Variants in SF3A1 observed in about 807,000 individuals in gnomAD.
SF3A1 encodes the protein SAP 114.
In SF3A1, 13 loss-of-function variants were observed where a neutral mutation model predicts 89.9. The observed-to-expected ratio is 0.14, with a 90% confidence interval of 0.09 to 0.23. The LOEUF is 0.23. SF3A1 is among the 10% of genes least tolerant of loss of function. The pLI, the probability that SF3A1 is intolerant of heterozygous loss-of-function variation, is 1.00. For synonymous variants in SF3A1, 405 were observed against 374.4 expected (o/e 1.08, Z -0.94); for missense variants, 604 against 1,022.1 (o/e 0.59, Z 5.58).
intron 2 of SF3A1, 49 bp from the exon 3 acceptor site, chr22:30,346,568 C>A: frequency 6.2e-7 from 1 of 1,600,656 alleles, no homozygotes; most frequent in South Asian, 1.1e-5. Flanking sequence ...CTTGTGCCTG[C>A]TGTGATCTAG....
At chr22:30,354,756 C>G (rs1455742972) in intron 1 of SF3A1, among the ~76,000 whole-genome samples, 1 of 152,154 alleles carries the variant, frequency 6.6e-6, no homozygotes, top group Non-Finnish European at 1.5e-5. Context: ...CTTCCACACT[C>G]GATGATAATA....
intron 2 of SF3A1, among the ~76,000 whole-genome samples, chr22:30,349,122 C>T (rs1179937524): frequency 2.0e-5 from 3 of 152,138 alleles, no homozygotes; most frequent in South Asian, 4.1e-4. Context: ...CCTAACCTAG[C>T]GAAAAAACTT....
Position 30,356,883 on chromosome 22 carries a change from T to C in SF3A1, c.-91A>G, listed in dbSNP as rs888277105. ...TCCCCGCTCGGTCAGTACGACGAGC[T>C]CGCAAGATGGCGGCGGCCGAGCGAG... is the stretch of plus-strand genomic sequence containing the variant. On this transcript the variant is annotated 5_prime_UTR_variant, in exon 1 of 16. Transcript: ENST00000215793. 23 of 1,114,776 alleles carry C rather than the reference T, an allele frequency of 2.1e-5. No individual in the cohort carries two copies. The highest frequency in any genetic ancestry group is 2.6e-5 in the Non-Finnish European group (23 of 873,082). The allele number at this position is 1,114,776 out of a possible 1,614,324, so 69.1% of individuals were successfully genotyped here.
intron 6 of SF3A1, 59 bp downstream of exon 6, chr22:30,342,141 G>GAAGTGGTGCAGAC: frequency 6.3e-7 from 1 of 1,589,102 alleles, no homozygotes; most frequent in South Asian, 1.1e-5. Context: ...CCTGCACCAG[G>GAAGTGGTGCAGAC]TTTCCCGGGA....
chr22:30,342,688 T>C, intron 5 of SF3A1, 117 bp downstream of exon 5: 1 of 755,824 alleles, frequency 1.3e-6, no homozygotes, highest in East Asian at 2.5e-5. Context: ...AACAAAGCCT[T>C]TTCTCCCACC....
At chr22:30,346,291 A>G (rs1931417228) in intron 3 of SF3A1, 21 bp downstream of exon 3, 6 of 1,506,132 alleles carry the variant, frequency 4.0e-6, no homozygotes, top group Non-Finnish European at 3.7e-6. Flanking sequence ...GCGTAAGTGA[A>G]GGGGGCACTG....
chr22:30,356,887 A>G lies in SF3A1; in HGVS notation c.-95T>C. ...CGCTCGGTCAGTACGACGAGCTCGC[A>G]AGATGGCGGCGGCCGAGCGAGTTGC... On this transcript the variant is annotated 5_prime_UTR_variant, in exon 1 of 16. Coordinates refer to ENST00000215793, the MANE Select transcript of SF3A1 (RefSeq NM_005877.6). The G allele has an allele frequency of 1.8e-6, 2 of 1,102,528 alleles. No homozygotes were observed. Among genetic ancestry groups the G allele is most frequent in the Non-Finnish European group, 2.3e-6 (2 of 862,682 alleles). 68.3% of individuals were successfully genotyped at this position (1,102,528 alleles called of 1,614,324 possible). A position where few individuals can be genotyped will look rare whatever the true frequency, so the allele number is the denominator to read the frequency against.
Position 30,341,572 on chromosome 22 carries a change from T to TCAGG in SF3A1, c.1071+116_1071+119dup, listed in dbSNP as rs1018477842. 2.1e-5 allele frequency: 12 copies of TCAGG among 559,584 alleles called. No individual in the cohort carries two copies. In the African/African-American group the frequency reaches 2.5e-4, roughly 12 times the overall value. 34.7% of individuals were successfully genotyped at this position (559,584 alleles called of 1,614,324 possible). On this transcript the variant is annotated intron_variant, in intron 7 of 15. Coordinates refer to ENST00000215793, the MANE Select transcript of SF3A1 (RefSeq NM_005877.6). ...GACTTGGGCAGCTGTATGGCCTTGT[T>TCAGG]CAGGACCCACGCCTCCTTTCAAGGC... is the stretch of plus-strand genomic sequence containing the variant.
Position 30,345,078 on chromosome 22 carries a change from A to G in SF3A1, c.506T>C (p.Leu169Pro), listed in dbSNP as rs1931377923. 2 of 1,614,154 alleles carry G rather than the reference A, an allele frequency of 1.2e-6. No individual in the cohort carries two copies. The highest frequency in any genetic ancestry group is 1.3e-5 in the African/African-American group (1 of 74,950). The change falls in exon 4 of 16, where the codon CTG (leucine) becomes CCG (proline). Residue 169 changes from leucine to proline, a missense_variant. Leu to Pro is a moderately conservative substitution (Grantham distance 98). Around this residue, in one of 9 missense-constraint regions of SF3A1, gnomAD observed 162 missense variants for 229.2 expected, o/e 0.71. Transcript: ENST00000215793. Reference sequence around the variant, plus strand: ...ATTCCTGGCCACAAACTGAGCCGTCAGCTTCACCACATCCAAGTCGAAGGC... The same window carrying G: ...ATTCCTGGCCACAAACTGAGCCGTCGGCTTCACCACATCCAAGTCGAAGGC... ...ISAFDLDVVK[L>P]TAQFVARNGR...
intron 13 of SF3A1, 74 bp from the exon 14 acceptor site, chr22:30,335,827 G>A: frequency 1.6e-6 from 2 of 1,237,774 alleles, no homozygotes; most frequent in South Asian, 1.2e-5. Context: ...CTATCCCTAG[G>A]CCTGTCCAGA....
intron 8 of SF3A1, 58 bp from the exon 9 acceptor site, chr22:30,340,439 G>C (rs1472674933): frequency 6.5e-7 from 1 of 1,545,682 alleles, no homozygotes; most frequent in Non-Finnish European, 8.9e-7. Flanking sequence ...TGAGTTAAGA[G>C]GGTGGTATTT....
At chr22:30,356,669 G>A (rs1282363224) in intron 1 of SF3A1, 61 bp downstream of exon 1, 17 of 1,288,092 alleles carry the variant, frequency 1.3e-5, no homozygotes, top group Non-Finnish European at 1.7e-5. Flanking sequence ...TTATTCCTGT[G>A]CGAGTAAGGA....
At chr22:30,342,636 T>C (rs1241452469) in intron 5 of SF3A1, 169 bp downstream of exon 5, 1 of 631,104 alleles carries the variant, frequency 1.6e-6, no homozygotes, top group Non-Finnish European at 2.8e-6. Flanking sequence ...TGTGGTATGT[T>C]GGGAAGCATC....
chr22:30,342,889 A>G lies in SF3A1; in HGVS notation c.652-10T>C, dbSNP rs760442316. 17 of 1,595,354 alleles carry G rather than the reference A, an allele frequency of 1.1e-5. No individual in the cohort carries two copies. The highest frequency in any genetic ancestry group is 1.2e-5 in the Non-Finnish European group (14 of 1,164,000). ...TGGGTGGAATCAAGATCTGAAATACAGAAGAGTTAAAGCAACTGTCAGTGC... is the reference window on the plus strand; with the variant it reads ...TGGGTGGAATCAAGATCTGAAATACGGAAGAGTTAAAGCAACTGTCAGTGC... On this transcript the variant is annotated splice_polypyrimidine_tract_variant and intron_variant, in intron 4 of 15. Transcript: ENST00000215793.
At position 30,342,353 on chromosome 22, in the gene SF3A1, G is replaced by A. The variant is rs777748612; in HGVS notation, c.727-3C>T. The A allele has an allele frequency of 2.5e-6, 4 of 1,599,224 alleles. No individual in the cohort carries two copies. In the East Asian group the frequency reaches 6.7e-5, roughly 27 times the overall value. On this transcript the variant is annotated splice_region_variant and splice_polypyrimidine_tract_variant and intron_variant, in intron 5 of 15. Transcript: ENST00000215793. ...GCCCATTCCACTCGGTAACACACCTGCAGAGATGGGAAACAGCTTGGTGCT... is the reference window on the plus strand; with the variant it reads ...GCCCATTCCACTCGGTAACACACCTACAGAGATGGGAAACAGCTTGGTGCT...
intron 7 of SF3A1, 140 bp from the exon 8 acceptor site, chr22:30,340,952 A>C (rs1408222508): frequency 1.6e-6 from 1 of 615,506 alleles, no homozygotes; most frequent in Non-Finnish European, 2.9e-6. Context: ...AGGGCAGCTG[A>C]GGCCAGCCGG....
intron 2 of SF3A1, among the ~76,000 whole-genome samples, chr22:30,350,552 T>C (rs1232840100): frequency 2.0e-5 from 3 of 152,122 alleles, no homozygotes; most frequent in Non-Finnish European, 4.4e-5. Flanking sequence ...AAGGAAAGCC[T>C]TTCACCTCTA....
chr22:30,345,275 C>T, intron 3 of SF3A1, 85 bp from the exon 4 acceptor site: 3 of 1,311,914 alleles, frequency 2.3e-6, no homozygotes, highest in Non-Finnish European at 2.1e-6. Flanking sequence ...TGGGCATGCA[C>T]CCCTCAGCAG....
In SF3A1 at chr22:30,353,043, C is replaced by T. The variant is rs1443542565; in HGVS notation, c.93G>A (p.Glu31=). Reference sequence around the variant, plus strand: ...CAACTGGCTTAGAAGGTGCAGAATCCTCCTTTGAAGATGCTTCTTCTTCTG... The same window carrying T: ...CAACTGGCTTAGAAGGTGCAGAATCTTCCTTTGAAGATGCTTCTTCTTCTG... ...QPTEEEASSK[E]DSAPSKPVVG... The change falls in exon 2 of 16, where the codon GAG becomes GAA. Residue 31 remains glutamate, a synonymous_variant. Transcript: ENST00000215793. 6.2e-7 allele frequency: 1 copy of T among 1,614,004 alleles called. No homozygotes were observed. Among genetic ancestry groups the T allele is most frequent in the Non-Finnish European group, 8.5e-7 (1 of 1,180,000 alleles).
Sources: allele counts gnomAD v4.1 joint callset (sites outside exome capture counted in the v4.1 genomes callset), GRCh38; gene constraint gnomAD v4.1.1; regional missense constraint gnomAD v4.1.1; transcripts MANE v1.5; gene names NCBI Gene and HGNC (gene_info 2026-07-23, HGNC 2026-07-21).